Variants in BCAR3 observed in about 807,000 individuals in gnomAD.
BCAR3 encodes the protein BCAR3 adaptor protein, NSP family member, also known as breast cancer anti-estrogen resistance protein 3.
Under a neutral mutation model 80.1 loss-of-function variants are expected in BCAR3, and 37 were observed. That is an observed-to-expected ratio of 0.46 (90% CI 0.36 to 0.61). BCAR3 has a LOEUF of 0.61. Ranked by LOEUF, BCAR3 falls within the 20% of genes least tolerant of loss-of-function variation. The pLI is 0.00. For missense variants in BCAR3, 978 were observed against 1,068.2 expected (o/e 0.92, Z 1.18); for synonymous variants, 389 against 418.9 (o/e 0.93, Z 0.87).
chr1:93,603,679 T>C (rs969620824), intron 3 of BCAR3, among the ~76,000 whole-genome samples: 3 of 152,212 alleles, frequency 2.0e-5, no homozygotes, highest in Non-Finnish European at 2.9e-5. Flanking sequence ...AAGAGTTTGA[T>C]AGTCACTGGA....
chr1:93,845,462 T>TTTTATA (rs1557708361), intron 2 of BCAR3: 4 of 80,170 alleles, frequency 5.0e-5, no homozygotes, highest in African/African-American at 1.2e-4. Context: ...CATAACAATT[T>TTTTATA]TATATATATA....
intron 3 of BCAR3, among the ~76,000 whole-genome samples, chr1:93,625,626 G>T (rs1675434942): frequency 6.6e-6 from 1 of 152,296 alleles, no homozygotes; most frequent in African/African-American, 2.4e-5. Flanking sequence ...ATGTGAAATG[G>T]CTTCTCAGAC....
chr1:93,796,838 T>A (rs1653292753), intron 2 of BCAR3, among the ~76,000 whole-genome samples: 1 of 152,218 alleles, frequency 6.6e-6, no homozygotes, highest in Non-Finnish European at 1.5e-5. Context: ...TTGTTTGCAA[T>A]CTAAAACTGA....
intron 2 of BCAR3, among the ~76,000 whole-genome samples, chr1:93,786,112 G>A (rs1417307621): frequency 1.4e-5 from 2 of 138,970 alleles, no homozygotes; most frequent in Non-Finnish European, 3.0e-5. Context: ...AGAATGGCGT[G>A]AACCCGGGAG....
intron 2 of BCAR3, among the ~76,000 whole-genome samples, chr1:93,771,429 G>A (rs1224212592): frequency 6.6e-6 from 1 of 152,194 alleles, no homozygotes; most frequent in Non-Finnish European, 1.5e-5. Flanking sequence ...CCTAGGAACT[G>A]AGAGTTCTGT....
chr1:93,753,543 T>TACACACACAC (rs5776188), intron 2 of BCAR3: 1 of 137,560 alleles, frequency 7.3e-6, no homozygotes, highest in African/African-American at 2.7e-5. Context: ...TGCACGCGGG[T>TACACACACAC]ACACACACAC....
At chr1:93,613,863 G>A (rs1675025444) in intron 3 of BCAR3, 3 of 1,550,372 alleles carry the variant, frequency 1.9e-6, no homozygotes, top group Non-Finnish European at 2.6e-6. Flanking sequence ...TCCAATGAAA[G>A]ACTTGCGGTG....
intron 3 of BCAR3, among the ~76,000 whole-genome samples, chr1:93,621,056 CA>C (rs943166453): frequency 6.6e-6 from 1 of 152,224 alleles, no homozygotes; most frequent in African/African-American, 2.4e-5. Flanking sequence ...GGCAGGAACC[CA>C]GGGGCGGAGG....
At chr1:93,614,199 ACC>A in intron 3 of BCAR3, 1 of 1,219,820 alleles carries the variant, frequency 8.2e-7, no homozygotes, top group Non-Finnish European at 1.0e-6. Context: ...TTCTCATGTG[ACC>A]AGACTTGCTT....
intron 3 of BCAR3, among the ~76,000 whole-genome samples, chr1:93,618,576 T>C (rs1194021636): frequency 6.6e-6 from 1 of 152,236 alleles, no homozygotes; most frequent in Non-Finnish European, 1.5e-5. Context: ...TCTTACGCTA[T>C]CACACACAAT....
At chr1:93,583,615 G>A (rs1302146738) in intron 6 of BCAR3, among the ~76,000 whole-genome samples, 1 of 152,156 alleles carries the variant, frequency 6.6e-6, no homozygotes, top group African/African-American at 2.4e-5. Context: ...CAGCTGTTCT[G>A]CCAAAAGCCC....
chr1:93,590,291 T>G (rs1674117211), intron 4 of BCAR3: 1 of 152,262 alleles, frequency 6.6e-6, no homozygotes, highest in Admixed American at 6.5e-5. Flanking sequence ...TGGCTGTTCC[T>G]GTAGCCTGAC....
At chr1:93,768,767 G>A (rs760137332) in intron 2 of BCAR3, among the ~76,000 whole-genome samples, 6 of 152,160 alleles carry the variant, frequency 3.9e-5, no homozygotes, top group Non-Finnish European at 5.9e-5. Context: ...CTCTCATTTC[G>A]TGGAGATAAG....
chr1:93,619,100 ATTTTTTTTTTTT>A (rs34715455), intron 3 of BCAR3, among the ~76,000 whole-genome samples: 1 of 126,724 alleles, frequency 7.9e-6, no homozygotes, highest in East Asian at 2.2e-4. Flanking sequence ...CACCACGCCA[ATTTTTTTTTTTT>A]TTTTTTTTGT....
At chr1:93,662,767 A>T (rs1396399769) in intron 2 of BCAR3, among the ~76,000 whole-genome samples, 2 of 152,174 alleles carry the variant, frequency 1.3e-5, no homozygotes, top group Non-Finnish European at 2.9e-5. Flanking sequence ...CAAAGCCCTG[A>T]TAGCTACTAA....
chr1:93,589,018 G>C lies in BCAR3; in HGVS notation c.888C>G (p.Val296=), dbSNP rs1674060814. The C allele has an allele frequency of 6.3e-7, 1 of 1,599,858 alleles. No individual in the cohort carries two copies. Among genetic ancestry groups the C allele is most frequent in the Non-Finnish European group, 8.5e-7 (1 of 1,170,178 alleles). ...TGGGCAAATTCTGCTCTCGGGCCTGGACGCCACCCATGGTGAGGCTCAGCC... is the reference window on the plus strand; with the variant it reads ...TGGGCAAATTCTGCTCTCGGGCCTGCACGCCACCCATGGTGAGGCTCAGCC... ...AKRLSLTMGG[V]QAREQNLPRG... Residue 296 remains valine, a synonymous_variant, in exon 5 of 12, where the codon GTC becomes GTG. Transcript: ENST00000260502.
intron 3 of BCAR3, among the ~76,000 whole-genome samples, chr1:93,628,962 C>T (rs1675528574): frequency 6.6e-6 from 1 of 152,170 alleles, no homozygotes; most frequent in Non-Finnish European, 1.5e-5. Flanking sequence ...CAGTAGGCAA[C>T]TAGTTAACTA....
chr1:93,650,973 A>G (rs1676306165), intron 2 of BCAR3, among the ~76,000 whole-genome samples: 1 of 152,232 alleles, frequency 6.6e-6, no homozygotes, highest in Non-Finnish European at 1.5e-5. Context: ...GGTAGGAGCC[A>G]TTTGTCAGAG....
At chr1:93,622,684 G>A (rs1470696575) in intron 3 of BCAR3, among the ~76,000 whole-genome samples, 1 of 152,170 alleles carries the variant, frequency 6.6e-6, no homozygotes, top group Non-Finnish European at 1.5e-5. Context: ...CCAATTCAGA[G>A]GGTTCTGTGC....
Sources: gnomAD v4.1 joint callset for allele counts (sites outside exome capture counted in the v4.1 genomes callset) on GRCh38, gnomAD v4.1.1 for gene constraint, MANE v1.5 for transcripts, NCBI Gene and HGNC (gene_info 2026-07-23, HGNC 2026-07-21) for gene names.